Variants in SLC10A1 observed in about 807,000 individuals in gnomAD.
The protein encoded by SLC10A1 is solute carrier family 10 member 1, also known as hepatic sodium/bile acid cotransporter.
A neutral mutation model predicts 20.5 loss-of-function variants in SLC10A1; 36 were observed. The ratio of observed to expected loss-of-function variants is 1.75; its 90% CI spans 1.34 to 2.32. The LOEUF (loss-of-function observed/expected upper bound fraction) is 2.32, where lower values mean the gene tolerates loss of function less well. Among genes scored for constraint, SLC10A1 ranks in the 30% most tolerant of loss-of-function variants. The probability of loss-of-function intolerance (pLI) is 0.00; values close to 1 mark genes in which losing one functional copy is unlikely to be tolerated. For missense variants in SLC10A1, 545 were observed against 439.1 expected (o/e 1.24, Z -2.16); for synonymous variants, 188 against 163.6 (o/e 1.15, Z -1.14).
chr14:69,776,709 TGAG>T (rs1357715719), intron 4 of SLC10A1, among the ~76,000 whole-genome samples: 2 of 152,224 alleles, frequency 1.3e-5, no homozygotes, highest in Non-Finnish European at 2.9e-5. Context: ...ATTCAGGGAA[TGAG>T]GAGGCAGGCA....
In SLC10A1 at chr14:69,775,967, G is replaced by C. The variant is rs1883435656; in HGVS notation, c.*315C>G. On this transcript the variant is annotated 3_prime_UTR_variant, in exon 5 of 5. Coordinates refer to ENST00000216540, the MANE Select transcript of SLC10A1 (RefSeq NM_003049.4). ...ATATATATTGATTAGTTCAGGAATTGAGTGACTTTAAGATGCTTATCAGAC... is the reference window on the plus strand; with the variant it reads ...ATATATATTGATTAGTTCAGGAATTCAGTGACTTTAAGATGCTTATCAGAC... 1.0e-5 allele frequency: 3 copies of C among 296,982 alleles called. No individual in the cohort carries two copies. The highest frequency in any genetic ancestry group is 1.9e-5 in the Non-Finnish European group (3 of 158,916). The allele number at this position is 296,982 out of a possible 1,614,324, so 18.4% of individuals were successfully genotyped here. A position where few individuals can be genotyped will look rare whatever the true frequency, so the allele number is the denominator to read the frequency against.
At chr14:69,789,298 A>G (rs1883790162) in intron 1 of SLC10A1, among the ~76,000 whole-genome samples, 1 of 152,246 alleles carries the variant, frequency 6.6e-6, no homozygotes, top group African/African-American at 2.4e-5. Flanking sequence ...ACAAGTAGAA[A>G]CAACCCATGT....
chr14:69,777,475 G>T (rs1490095024), intron 4 of SLC10A1, among the ~76,000 whole-genome samples: 1 of 151,812 alleles, frequency 6.6e-6, no homozygotes, highest in Non-Finnish European at 1.5e-5. Context: ...TTCAATTCAT[G>T]GACATGAAGG....
chr14:69,787,951 T>C (rs1883760585), intron 1 of SLC10A1, among the ~76,000 whole-genome samples: 1 of 151,836 alleles, frequency 6.6e-6, no homozygotes, highest in African/African-American at 2.4e-5. Context: ...TCCCAGCTAC[T>C]TGGGAGGCTG....
chr14:69,794,516 G>T (rs529189286), intron 1 of SLC10A1, among the ~76,000 whole-genome samples: 1 of 152,160 alleles, frequency 6.6e-6, no homozygotes, highest in Non-Finnish European at 1.5e-5. Context: ...TGCTGTAGGA[G>T]GATCACATAT....
intron 1 of SLC10A1, among the ~76,000 whole-genome samples, chr14:69,787,067 G>C (rs1402718385): frequency 6.6e-6 from 1 of 152,234 alleles, no homozygotes; most frequent in African/African-American, 2.4e-5. Context: ...AGATACCCAT[G>C]TTGAGTAAGT....
rs567746743 is a variant in SLC10A1 at position 69,776,278 on chromosome 14, A to C, written c.*4T>G. On this transcript the variant is annotated 3_prime_UTR_variant, in exon 5 of 5. Transcript: ENST00000216540. ...GACCAGAATCCAGGCCACCAGGGGA[A>C]GGGCTAGGCTGTGCAAGGGGAGCAG... 6.8e-6 allele frequency: 11 copies of C among 1,607,758 alleles called. No individual in the cohort carries two copies. The East Asian group carries it at 2.2e-4, about 33-fold the overall frequency.
intron 2 of SLC10A1, among the ~76,000 whole-genome samples, chr14:69,780,382 TACTTA>T (rs1002572436): frequency 2.4e-5 from 3 of 127,154 alleles, no homozygotes; most frequent in African/African-American, 7.8e-5. Flanking sequence ...AGTAAAGAAA[TACTTA>T]ACTTTTCTCA....
At chr14:69,783,161 T>C (rs145687977) in intron 2 of SLC10A1, among the ~76,000 whole-genome samples, 1 of 152,200 alleles carries the variant, frequency 6.6e-6, no homozygotes, top group Non-Finnish European at 1.5e-5. Flanking sequence ...GTATGTTGTT[T>C]TTCTGCTGGT....
chr14:69,779,339 A>C lies in SLC10A1; in HGVS notation c.589T>G (p.Leu197Val). 1 of 1,612,732 alleles carries C rather than the reference A, an allele frequency of 6.2e-7. No homozygotes were observed. Among genetic ancestry groups the C allele is most frequent in the Non-Finnish European group, 8.5e-7 (1 of 1,178,956 alleles). ...VIKGGMIIILLCSVAVTVLSA... is the reference protein window; with the variant it reads ...VIKGGMIIILVCSVAVTVLSA... ...AGAACTGTGACGGCCACACTGCACA[A>C]GAGAATGATGATCATCCCTCCCTGG... The change falls in exon 3 of 5, where the codon TTG (leucine) becomes GTG (valine). Residue 197 changes from leucine (L) to valine (V), a missense_variant. Physicochemically the swap from Leu to Val is conservative, Grantham distance 32. Coordinates refer to ENST00000216540, the MANE Select transcript of SLC10A1 (RefSeq NM_003049.4).
In SLC10A1 at chr14:69,786,241, G is replaced by GT; in HGVS notation, c.422dup (p.Tyr141Ter). 6.2e-7 allele frequency: 1 copy of GT among 1,614,054 alleles called. No individual in the cohort carries two copies. Residue 141 changes from tyrosine to a stop codon, truncating the protein, a stop_gained and frameshift_variant, in exon 2 of 5, where the codon TAC becomes TAAC. Transcript: ENST00000216540. LOFTEE classifies it high-confidence loss of function. ...LGMMPLLLYI[Y>*]SRGIYDGDLK... ...GGTCCCCATCATAGATCCCCCTGGA[G>GT]TAGATGTACAGGAGGAGAGGCATCA... is the stretch of plus-strand genomic sequence containing the variant.
rs1487695327 is a variant in SLC10A1, at chr14:69,796,852, C to T, written c.304G>A (p.Gly102Arg). 15 of 1,614,222 alleles carry T rather than the reference C, an allele frequency of 9.3e-6. No individual in the cohort carries two copies. The highest frequency in any genetic ancestry group is 1.2e-5 in the Non-Finnish European group (14 of 1,180,038). ...AGACTGAAGACATTGGACAGGTTCC[C>T]TCCAGGTGAGCAGCCACAGACCAAG... ...AILVCGCSPGGNLSNVFSLAM... is the reference protein window; with the variant it reads ...AILVCGCSPGRNLSNVFSLAM... Residue 102 changes from glycine (G) to arginine (R), a missense_variant, in exon 1 of 5, where the codon GGG becomes AGG. Physicochemically the swap from Gly to Arg is moderately radical, Grantham distance 125. Transcript: ENST00000216540.
rs1883826485 is a variant in SLC10A1, at chr14:69,791,043, A to G, written c.357-4736T>C. On this transcript the variant is annotated intron_variant, in intron 1 of 4. Coordinates refer to ENST00000216540, the MANE Select transcript of SLC10A1 (RefSeq NM_003049.4). ...ATATTCACAAAACTAGAAAATACTT[A>G]TACATCTAAAGGACATGTAAGATCT... Among the ~76,000 whole-genome samples the G allele has an allele frequency of 2.0e-5, 3 of 152,232 alleles. No individual in the cohort carries two copies. In the South Asian group the frequency reaches 6.2e-4, roughly 32 times the overall value.
chr14:69,790,342 A>G (rs1440433839), intron 1 of SLC10A1, among the ~76,000 whole-genome samples: 2 of 152,182 alleles, frequency 1.3e-5, no homozygotes, highest in East Asian at 1.9e-4. Context: ...TTTATTGTAT[A>G]AAGTTAATAT....
intron 1 of SLC10A1, among the ~76,000 whole-genome samples, chr14:69,793,830 C>T (rs1367782672): frequency 6.6e-6 from 1 of 152,218 alleles, no homozygotes; most frequent in Non-Finnish European, 1.5e-5. Context: ...GCCTGACAAG[C>T]CATACTCACT....
At chr14:69,781,800 GC>G (rs1463338230) in intron 2 of SLC10A1, among the ~76,000 whole-genome samples, 1 of 152,166 alleles carries the variant, frequency 6.6e-6, no homozygotes, top group Non-Finnish European at 1.5e-5. Flanking sequence ...TACTTGAATT[GC>G]CTTTTAAAAT....
chr14:69,791,387 G>A (rs917408185), intron 1 of SLC10A1, among the ~76,000 whole-genome samples: 1 of 151,458 alleles, frequency 6.6e-6, no homozygotes, highest in African/African-American at 2.4e-5. Flanking sequence ...TGCAAGCTCT[G>A]CCTCCCGGGT....
intron 1 of SLC10A1, among the ~76,000 whole-genome samples, chr14:69,786,678 A>G (rs1415723707): frequency 6.6e-6 from 1 of 152,190 alleles, no homozygotes; most frequent in Non-Finnish European, 1.5e-5. Context: ...TTTTGTAGAA[A>G]GCCAACTGTG....
Position 69,779,329 on chromosome 14 carries a change from A to G in SLC10A1, c.599T>C (p.Val200Ala), listed in dbSNP as rs747096695. 20 of 1,613,996 alleles carry G rather than the reference A, an allele frequency of 1.2e-5. No homozygotes were observed. Among genetic ancestry groups the G allele is most frequent in the East Asian group, 4.5e-5 (2 of 44,882 alleles). Residue 200 changes from valine (V) to alanine (A), a missense_variant, in exon 3 of 5, where the codon GTG (valine) becomes GCG (alanine). Val to Ala is a moderately conservative substitution (Grantham distance 64). Coordinates refer to ENST00000216540, the MANE Select transcript of SLC10A1 (RefSeq NM_003049.4). ...GATGGCAGAGAGAACTGTGACGGCC[A>G]CACTGCACAAGAGAATGATGATCAT... ...GGMIIILLCSVAVTVLSAINV... is the reference protein window; with the variant it reads ...GGMIIILLCSAAVTVLSAINV...
Sources: allele counts gnomAD v4.1 joint callset (sites outside exome capture counted in the v4.1 genomes callset), GRCh38; gene constraint gnomAD v4.1.1; transcripts MANE v1.5; gene names NCBI Gene and HGNC (gene_info 2026-07-23, HGNC 2026-07-21).